The following GADL1 variants were observed in gnomAD, a reference collection of about 807,000 sequenced individuals.
GADL1 encodes the protein acidic amino acid decarboxylase GADL1.
GADL1 carries 71 observed loss-of-function variants against 69.5 expected under a neutral mutation model. That is an observed-to-expected ratio of 1.02 (90% CI 0.84 to 1.25). The LOEUF (loss-of-function observed/expected upper bound fraction) is 1.25, where lower values mean the gene tolerates loss of function less well. GADL1 is among the 50% of genes most tolerant of loss of function. GADL1 has a pLI of 0.00. For missense variants in GADL1, 737 were observed against 631.8 expected, an observed-to-expected ratio of 1.17 and a Z score of -1.79; for synonymous variants, 254 against 214.4, an observed-to-expected ratio of 1.18 and a Z score of -1.62.
chr3:30,730,778 C>T (rs1458704689), intron 14 of GADL1, among the ~76,000 whole-genome samples: 2 of 152,116 alleles, frequency 1.3e-5, no homozygotes, highest in East Asian at 3.9e-4. Flanking sequence ...ATTTGCTTTA[C>T]CTGACTAATC....
chr3:30,796,713 C>A (rs895042078), intron 12 of GADL1, among the ~76,000 whole-genome samples: 1 of 152,172 alleles, frequency 6.6e-6, no homozygotes, highest in Admixed American at 6.5e-5. Context: ...ACTGCTGATA[C>A]TGTTGAAGCA....
chr3:30,833,399 C>G (rs1354955179), intron 11 of GADL1, among the ~76,000 whole-genome samples: 1 of 152,050 alleles, frequency 6.6e-6, no homozygotes, highest in African/African-American at 2.4e-5. Context: ...CAGCCCTGAA[C>G]AAATGTCTTC....
At chr3:30,737,343 T>C (rs1411315877) in intron 14 of GADL1, among the ~76,000 whole-genome samples, 5 of 152,144 alleles carry the variant, frequency 3.3e-5, no homozygotes, top group Non-Finnish European at 7.4e-5. Context: ...GCATTGCTTA[T>C]GTCGATTTTG....
chr3:30,885,897 G>T (rs192715069), intron 1 of GADL1, among the ~76,000 whole-genome samples: 3 of 151,864 alleles, frequency 2.0e-5, no homozygotes, highest in Admixed American at 2.0e-4. Flanking sequence ...ATGAGCCACC[G>T]TGCCCAGCCT....
intron 14 of GADL1, among the ~76,000 whole-genome samples, chr3:30,739,326 C>T (rs62244448): frequency 2.0e-5 from 3 of 152,176 alleles, no homozygotes; most frequent in Non-Finnish European, 4.4e-5. Context: ...CCTGCACCCT[C>T]CTTCCTGTGC....
chr3:30,861,545 C>T, intron 2 of GADL1, 48 bp downstream of exon 2: 1 of 1,371,982 alleles, frequency 7.3e-7, no homozygotes, highest in African/African-American at 1.5e-5. Context: ...ATTTGGGGAA[C>T]ATCTATCTTT....
intron 1 of GADL1, among the ~76,000 whole-genome samples, chr3:30,894,165 C>A (rs1388084297): frequency 1.3e-5 from 2 of 152,126 alleles, no homozygotes; most frequent in Admixed American, 1.3e-4. Context: ...TCTTTTAACC[C>A]CTGTTTATAG....
intron 14 of GADL1, among the ~76,000 whole-genome samples, chr3:30,759,909 T>C (rs1696087887): frequency 6.6e-6 from 1 of 152,170 alleles, no homozygotes; most frequent in Non-Finnish European, 1.5e-5. Context: ...ACTTGTGCTC[T>C]ATGCCTCTGT....
At chr3:30,800,633 A>G in intron 12 of GADL1, 1 of 489,410 alleles carries the variant, frequency 2.0e-6, no homozygotes, top group Non-Finnish European at 3.7e-6. Flanking sequence ...TGTGCATCTC[A>G]GTAGGCTAGG....
At chr3:30,786,752 A>T (rs1005845303) in intron 12 of GADL1, among the ~76,000 whole-genome samples, 3 of 152,208 alleles carry the variant, frequency 2.0e-5, no homozygotes, top group African/African-American at 7.2e-5. Context: ...AGGTACTTAC[A>T]TTAAATAGCT....
chr3:30,821,043 AATC>A (rs1181598941), intron 11 of GADL1, among the ~76,000 whole-genome samples: 27 of 152,162 alleles, frequency 1.8e-4, no homozygotes, highest in Admixed American at 3.3e-4. Context: ...GAAAATTGGA[AATC>A]ATCATTCTCA....
At chr3:30,742,107 G>C (rs1575180338) in intron 14 of GADL1, among the ~76,000 whole-genome samples, 1 of 152,144 alleles carries the variant, frequency 6.6e-6, no homozygotes, top group East Asian at 1.9e-4. Flanking sequence ...GGCCCGGACA[G>C]TAAATCACCT....
intron 14 of GADL1, among the ~76,000 whole-genome samples, chr3:30,740,602 C>T (rs986701620): frequency 6.6e-5 from 10 of 152,072 alleles, no homozygotes; most frequent in Admixed American, 2.0e-4. Flanking sequence ...ACCTTCCCCC[C>T]AAAGGTCTCT....
intron 1 of GADL1, among the ~76,000 whole-genome samples, chr3:30,880,258 G>A (rs745828424): frequency 8.6e-5 from 13 of 151,764 alleles, no homozygotes; most frequent in Non-Finnish European, 1.5e-4. Flanking sequence ...AAGTAATCTA[G>A]AGATGATTTA....
intron 11 of GADL1, among the ~76,000 whole-genome samples, chr3:30,807,118 C>G (rs1370670980): frequency 2.0e-5 from 3 of 152,188 alleles, no homozygotes; most frequent in African/African-American, 7.2e-5. Context: ...ATCAAAGGAA[C>G]TAATGTTAAC....
chr3:30,808,261 C>A (rs960695330), intron 11 of GADL1, among the ~76,000 whole-genome samples: 2 of 151,332 alleles, frequency 1.3e-5, no homozygotes, highest in Non-Finnish European at 2.9e-5. Flanking sequence ...TTTGGGAGGC[C>A]GAGGTGGGCA....
intron 14 of GADL1, among the ~76,000 whole-genome samples, chr3:30,753,944 C>T (rs528116525): frequency 6.6e-6 from 1 of 151,888 alleles, no homozygotes; most frequent in Admixed American, 6.5e-5. Context: ...CCTAAAATGA[C>T]ATCACTACTG....
intron 11 of GADL1, among the ~76,000 whole-genome samples, chr3:30,804,790 A>G (rs958124909): frequency 2.0e-5 from 3 of 152,170 alleles, no homozygotes; most frequent in Non-Finnish European, 2.9e-5. Context: ...GTCTGTTTTT[A>G]CTACTTTACT....
chr3:30,844,202 C>A lies in GADL1; in HGVS notation c.786+8G>T. The stretch of plus-strand genomic sequence containing the variant: ...GTTCTCTCTCCCTCTCGCTTTCTCC[C>A]CTCTCACCTCTTTTCTGGCTTGCCA... On this transcript the variant is annotated splice_region_variant and intron_variant, in intron 8 of 14. Coordinates refer to ENST00000282538, the MANE Select transcript of GADL1 (RefSeq NM_207359.3). 1.2e-6 allele frequency: 2 copies of A among 1,610,366 alleles called. No individual in the cohort carries two copies. Among genetic ancestry groups the A allele is most frequent in the Non-Finnish European group, 8.5e-7 (1 of 1,177,778 alleles).
Sources: gnomAD v4.1 joint callset for allele counts (sites outside exome capture counted in the v4.1 genomes callset) on GRCh38, gnomAD v4.1.1 for gene constraint, MANE v1.5 for transcripts, NCBI Gene and HGNC (gene_info 2026-07-23, HGNC 2026-07-21) for gene names.